Variants in HOXA3 observed in about 807,000 individuals in gnomAD.
The protein encoded by HOXA3 is homeobox protein Hox-A3.
Under a neutral mutation model 30.3 loss-of-function variants are expected in HOXA3, and 8 were observed. That is an observed-to-expected ratio of 0.26 (90% confidence interval 0.15 to 0.48). The LOEUF is 0.48. Among genes scored for constraint, HOXA3 ranks in the 20% least tolerant of loss-of-function variants. The pLI is 0.99. For missense variants in HOXA3, 653 were observed against 614.4 expected, an observed-to-expected ratio of 1.06 and a Z score of -0.66; for synonymous variants, 323 against 273.1, an observed-to-expected ratio of 1.18 and a Z score of -1.80.
At position 27,147,292 on chromosome 7, in the gene HOXA3, T is replaced by A. The variant is rs200192717; in HGVS notation, c.-494+4996A>T. On this transcript the variant is annotated intron_variant, in intron 1 of 5. Coordinates refer to ENST00000612286, the MANE Select transcript of HOXA3 (RefSeq NM_153631.3). ...TCCTTTCCCCTCTCCCTCCACTGTC[T>A]TGGGATATGTCTTACCCGCGCAGGA... 5.6e-6 allele frequency: 9 copies of A among 1,608,946 alleles called. No individual in the cohort carries two copies. The East Asian group carries it at 2.0e-4, about 36-fold the overall frequency.
Position 27,110,290 on chromosome 7 carries a change from G to C in HOXA3, c.351C>G (p.Ala117=), listed in dbSNP as rs779244441. 4 of 1,594,544 alleles carry C rather than the reference G, an allele frequency of 2.5e-6. No individual in the cohort carries two copies. The highest frequency in any genetic ancestry group is 2.2e-5 in the East Asian group (1 of 44,734). The part of the protein sequence containing the change: ...PAPQPPAPTP[A]APPPPSSASP... ...AGGCAGAAGAGGGAGGCGGGGGCGC[G>C]GCAGGGGTAGGTGCAGGGGGCTGAG... is the stretch of plus-strand genomic sequence containing the variant. The change falls in exon 5 of 6, where the codon GCC becomes GCG. Residue 117 remains alanine, a synonymous_variant. Transcript: ENST00000612286.
chr7:27,113,371 C>T lies in HOXA3; in HGVS notation c.-120-2611G>A, dbSNP rs1445010687. On this transcript the variant is annotated intron_variant, in intron 4 of 5. Coordinates refer to ENST00000612286, the MANE Select transcript of HOXA3 (RefSeq NM_153631.3). This position sits in a 1 kb window ranked among gnomAD's most constrained non-coding sequence, Gnocchi z 4.8. ...TGAGCGGGTTCGTCGGATAGGAGCC[C>T]CGAGTCCCCTGCCCACCTCTCCTTC... is the stretch of plus-strand genomic sequence containing the variant. Among the ~76,000 whole-genome samples the T allele has an allele frequency of 6.6e-6, 1 of 152,140 alleles. No homozygotes were observed. Among genetic ancestry groups the T allele is most frequent in the African/African-American group, 2.4e-5 (1 of 41,424 alleles).
intron 3 of HOXA3, chr7:27,124,015 G>T (rs1190334636): frequency 6.6e-6 from 1 of 152,250 alleles, no homozygotes; most frequent in Admixed American, 6.5e-5. Context: ...ATTCCAGAAA[G>T]ATCCGCTATG....
At chr7:27,151,421 T>C (rs535644983) in intron 1 of HOXA3, 2 of 344,168 alleles carry the variant, frequency 5.8e-6, no homozygotes, top group South Asian at 4.2e-5. Context: ...CCAAGGTGGA[T>C]TGGGGGGTCC....
chr7:27,148,193 C>A (rs1264081268), intron 1 of HOXA3, among the ~76,000 whole-genome samples: 1 of 152,292 alleles, frequency 6.6e-6, no homozygotes, highest in Non-Finnish European at 1.5e-5. Context: ...CGCCCCTCCT[C>A]CTCCAAACAG....
At chr7:27,131,999 C>T (rs543719718) in intron 2 of HOXA3, among the ~76,000 whole-genome samples, 15 of 152,296 alleles carry the variant, frequency 9.8e-5, no homozygotes, top group African/African-American at 3.1e-4. Context: ...ACACTAATTA[C>T]GCCATTATTA....
intron 4 of HOXA3, among the ~76,000 whole-genome samples, chr7:27,117,443 C>T (rs2128046216): frequency 6.6e-6 from 1 of 152,266 alleles, no homozygotes; most frequent in South Asian, 2.1e-4. Flanking sequence ...CACCCCACCC[C>T]AAGGCTCTCC....
chr7:27,135,314 A>G (rs80006032), intron 2 of HOXA3, among the ~76,000 whole-genome samples: 2,006 of 152,076 alleles, frequency 0.013, 55 homozygotes, highest in African/African-American at 0.046. Flanking sequence ...CCTACAGTCT[A>G]GTTATTCACT....
Position 27,132,253 on chromosome 7 carries a change from A to G in HOXA3, c.-389-5183T>C, listed in dbSNP as rs1785584977. On this transcript the variant is annotated intron_variant, in intron 2 of 5. Coordinates refer to ENST00000612286, the MANE Select transcript of HOXA3 (RefSeq NM_153631.3). ...CACCTTAGTTGATTTTTCAAAGAGC[A>G]GTATAAACAGCCTTCTCACAACTGA... Among the ~76,000 whole-genome samples the G allele has an allele frequency of 2.0e-5, 3 of 152,382 alleles. No homozygotes were observed. In the South Asian group the frequency reaches 6.2e-4, roughly 32 times the overall value.
At chr7:27,120,975 C>T (rs1256185502) in intron 4 of HOXA3, 1 of 152,202 alleles carries the variant, frequency 6.6e-6, no homozygotes, top group African/African-American at 2.4e-5. Context: ...TGCGCTGGGA[C>T]TGATACTGTG....
rs1782749985 is a variant in HOXA3 at position 27,146,034 on chromosome 7, C to T, written c.-493-5848G>A. 2.5e-6 allele frequency: 3 copies of T among 1,198,612 alleles called. No individual in the cohort carries two copies. In the East Asian group the frequency reaches 7.3e-5, roughly 29 times the overall value. The allele number at this position is 1,198,612 out of a possible 1,614,324, so 74.2% of individuals were successfully genotyped here. On this transcript the variant is annotated intron_variant, in intron 1 of 5. Coordinates refer to ENST00000612286, the MANE Select transcript of HOXA3 (RefSeq NM_153631.3). ...GAAACCACCCCGCCTCCACTCCAGC[C>T]TCTCCCACTATGTCTGGGGCCCAAA...
chr7:27,147,519 C>T (rs1227406889), intron 1 of HOXA3: 1 of 1,614,184 alleles, frequency 6.2e-7, no homozygotes, highest in Non-Finnish European at 8.5e-7. Context: ...AATAGAAACA[C>T]GAGGCCCCGT....
chr7:27,110,203 G>A lies in HOXA3; in HGVS notation c.438C>T (p.Leu146=). Residue 146 remains leucine (L), a synonymous_variant, in exon 5 of 6, where the codon CTC becomes CTT. Transcript: ENST00000612286. ...TTTGTTTGGCCACTGTGGGTGAGTT[G>A]AGCAGGGGGCTCTTGGCCGCGTTGG... ...TPANAAKSPL[L]NSPTVAKQIF... is the part of the protein sequence containing the mutation. 2 of 1,614,130 alleles carry A rather than the reference G, an allele frequency of 1.2e-6. No homozygotes were observed. Among genetic ancestry groups the A allele is most frequent in the Non-Finnish European group, 1.7e-6 (2 of 1,180,020 alleles).
intron 1 of HOXA3, among the ~76,000 whole-genome samples, chr7:27,149,399 G>T (rs931305428): frequency 1.3e-5 from 2 of 152,344 alleles, no homozygotes; most frequent in African/African-American, 4.8e-5. Context: ...TAGTGGGGAG[G>T]TGGCAATTGG....
intron 1 of HOXA3, chr7:27,150,666 C>T (rs930264784): frequency 3.9e-5 from 6 of 152,584 alleles, no homozygotes; most frequent in African/African-American, 1.4e-4. Context: ...CGTGCGCCCC[C>T]AGAACGCCTT....
intron 1 of HOXA3, chr7:27,151,462 C>T (rs1444592281): frequency 5.1e-6 from 2 of 390,814 alleles, no homozygotes; most frequent in Non-Finnish European, 1.0e-5. Context: ...TTGCGTCCTT[C>T]CTTCAACCTT....
chr7:27,152,310 G>A lies in HOXA3; in HGVS notation c.-516C>T. 7.8e-7 allele frequency: 1 copy of A among 1,275,626 alleles called. No individual in the cohort carries two copies. Among genetic ancestry groups the A allele is most frequent in the Non-Finnish European group, 1.0e-6 (1 of 981,806 alleles). 79.0% of individuals were successfully genotyped at this position (1,275,626 alleles called of 1,614,324 possible). A position where few individuals can be genotyped will look rare whatever the true frequency, so the allele number is the denominator to read the frequency against. On this transcript the variant is annotated 5_prime_UTR_variant, in exon 1 of 6. Transcript: ENST00000612286. ...CACCTTCAGACGGTGGCTCCCAGAA[G>A]CTCCTGCCCCTCTGACAGCTGTCGC...
chr7:27,117,523 G>C (rs572692455), intron 4 of HOXA3, among the ~76,000 whole-genome samples: 1 of 152,258 alleles, frequency 6.6e-6, no homozygotes, highest in East Asian at 1.9e-4. Context: ...CGGGCCCTCC[G>C]GTTCAGATCC....
intron 3 of HOXA3, among the ~76,000 whole-genome samples, chr7:27,124,925 G>A (rs1329458273): frequency 1.3e-5 from 2 of 152,184 alleles, no homozygotes; most frequent in Non-Finnish European, 2.9e-5. Flanking sequence ...GGAGTCCACT[G>A]CTCTCCGAGA....
Sources: allele counts gnomAD v4.1 joint callset (sites outside exome capture counted in the v4.1 genomes callset), GRCh38; gene constraint gnomAD v4.1.1; non-coding constraint Gnocchi (gnomAD v3.1); transcripts MANE v1.5; gene names NCBI Gene and HGNC (gene_info 2026-07-23, HGNC 2026-07-21).